FAT3: variants seen among roughly 807,000 people sequenced by gnomAD.
FAT3 encodes protocadherin Fat 3.
Under a neutral mutation model 310.2 loss-of-function variants are expected in FAT3, and 95 were observed. The observed-to-expected ratio is 0.31, with a 90% CI of 0.26 to 0.36. The LOEUF (loss-of-function observed/expected upper bound fraction) is 0.36. Ranked by LOEUF, FAT3 falls within the 10% of genes least tolerant of loss-of-function variation. The pLI, the probability that FAT3 is intolerant of heterozygous loss-of-function variation, is 1.00. For synonymous variants in FAT3, 2,314 were observed against 2,192.9 expected (o/e 1.06, Z -1.54); for missense variants, 5,408 against 5,715.6 (o/e 0.95, Z 1.74).
intron 1 of FAT3, among the ~76,000 whole-genome samples, chr11:92,336,974 C>T (rs73546481): frequency 0.011 from 1,634 of 152,216 alleles, 31 homozygotes; most frequent in African/African-American, 0.038. Context: ...CGTTGCCATC[C>T]GCCAGCCTGT....
intron 2 of FAT3, among the ~76,000 whole-genome samples, chr11:92,435,940 C>T (rs922608747): frequency 5.9e-5 from 9 of 152,108 alleles, no homozygotes; most frequent in African/African-American, 1.9e-4. Context: ...AAACACCATT[C>T]GTAATGTTAA....
At chr11:92,874,836 GC>G (rs1565669404) in intron 22 of FAT3, among the ~76,000 whole-genome samples, 1 of 152,056 alleles carries the variant, frequency 6.6e-6, no homozygotes, top group Non-Finnish European at 1.5e-5. Flanking sequence ...ACCACACCCG[GC>G]CTAGTATACG....
intron 2 of FAT3, among the ~76,000 whole-genome samples, chr11:92,371,035 A>T (rs1261396725): frequency 5.3e-5 from 8 of 152,194 alleles, no homozygotes; most frequent in Non-Finnish European, 1.0e-4. Context: ...AATAAGATGG[A>T]TTTCCTGATA....
intron 2 of FAT3, among the ~76,000 whole-genome samples, chr11:92,419,951 A>G (rs1025801398): frequency 1.3e-5 from 2 of 152,216 alleles, no homozygotes; most frequent in African/African-American, 4.8e-5. Context: ...GGTTTATATA[A>G]GAAATCATTT....
chr11:92,445,975 A>G (rs180889955), intron 2 of FAT3, among the ~76,000 whole-genome samples: 98 of 152,352 alleles, frequency 6.4e-4, no homozygotes, highest in Non-Finnish European at 1.3e-3. Flanking sequence ...TATGTTCACA[A>G]TTGAAGTGAA....
At chr11:92,858,720 A>T (rs541859377) in intron 20 of FAT3, among the ~76,000 whole-genome samples, 5 of 152,252 alleles carry the variant, frequency 3.3e-5, no homozygotes, top group Non-Finnish European at 7.3e-5. Context: ...GCATTAGGAT[A>T]CTTGGGGAAC....
chr11:92,729,821 GA>G (rs1945121405), intron 4 of FAT3, among the ~76,000 whole-genome samples: 1 of 151,990 alleles, frequency 6.6e-6, no homozygotes, highest in South Asian at 2.1e-4. Context: ...AAATTACGTT[GA>G]AATTTAATTT....
chr11:92,412,085 AT>A (rs1244687511), intron 2 of FAT3, among the ~76,000 whole-genome samples: 1 of 151,792 alleles, frequency 6.6e-6, no homozygotes. Context: ...TGGGCATCTT[AT>A]CCCCCACATG....
chr11:92,550,546 C>T (rs1246152994), intron 3 of FAT3, among the ~76,000 whole-genome samples: 3 of 152,120 alleles, frequency 2.0e-5, no homozygotes, highest in South Asian at 4.1e-4. Context: ...GGAGTATTGG[C>T]CAAATCCTCC....
chr11:92,629,113 A>G (rs1941450807), intron 3 of FAT3, among the ~76,000 whole-genome samples: 1 of 152,250 alleles, frequency 6.6e-6, no homozygotes, highest in South Asian at 2.1e-4. Flanking sequence ...GATACCAACT[A>G]AAACTGCAGC....
intron 4 of FAT3, among the ~76,000 whole-genome samples, chr11:92,718,353 C>G (rs1470067111): frequency 6.6e-6 from 1 of 152,072 alleles, no homozygotes; most frequent in Non-Finnish European, 1.5e-5. Context: ...TGGAGATGAG[C>G]TTGGGGTTAT....
intron 3 of FAT3, among the ~76,000 whole-genome samples, chr11:92,644,700 C>T (rs921921918): frequency 1.6e-4 from 25 of 152,208 alleles, no homozygotes; most frequent in African/African-American, 6.0e-4. Flanking sequence ...ATAAAGATGA[C>T]ATACCAGGCT....
chr11:92,766,246 C>T (rs1946306194), intron 6 of FAT3, among the ~76,000 whole-genome samples: 1 of 152,176 alleles, frequency 6.6e-6, no homozygotes, highest in Non-Finnish European at 1.5e-5. Flanking sequence ...GGAAACAAAA[C>T]AGGCTGTTGC....
chr11:92,268,088 G>C (rs1946019616), intron 1 of FAT3, among the ~76,000 whole-genome samples: 1 of 151,764 alleles, frequency 6.6e-6, no homozygotes, highest in South Asian at 2.1e-4. Flanking sequence ...TTCAGAGAAG[G>C]AAAAGGAGAA....
chr11:92,290,357 G>A (rs968402933), intron 1 of FAT3, among the ~76,000 whole-genome samples: 8 of 152,208 alleles, frequency 5.3e-5, no homozygotes, highest in African/African-American at 1.7e-4. Flanking sequence ...CCTTAATGGT[G>A]CCTGTCCCAT....
intron 13 of FAT3, among the ~76,000 whole-genome samples, chr11:92,822,145 G>A (rs1421590594): frequency 6.6e-6 from 1 of 152,080 alleles, no homozygotes; most frequent in Non-Finnish European, 1.5e-5. Context: ...CAAAACACTA[G>A]CTGTCAAAGG....
chr11:92,539,255 A>G (rs1291098579), intron 3 of FAT3, among the ~76,000 whole-genome samples: 1 of 152,222 alleles, frequency 6.6e-6, no homozygotes, highest in Non-Finnish European at 1.5e-5. Flanking sequence ...ACATATTTCT[A>G]TAATTTTCAT....
chr11:92,225,706 AAGGGAAAGGGTTACC>A (rs1255982640), intron 1 of FAT3, among the ~76,000 whole-genome samples: 1 of 151,958 alleles, frequency 6.6e-6, no homozygotes, highest in Non-Finnish European at 1.5e-5. Context: ...TTCGCTAGGA[AAGGGAAAGGGTTACC>A]AGTCTGCGGG....
chr11:92,345,842 C>G (rs535378635), intron 1 of FAT3, among the ~76,000 whole-genome samples: 130 of 152,160 alleles, frequency 8.5e-4, no homozygotes, highest in Non-Finnish European at 1.2e-3. Flanking sequence ...CATAACCTGT[C>G]TCAATCTGTT....
Sources: allele counts gnomAD v4.1 joint callset (sites outside exome capture counted in the v4.1 genomes callset), GRCh38; gene constraint gnomAD v4.1.1; transcripts MANE v1.5; gene names NCBI Gene and HGNC (gene_info 2026-07-23, HGNC 2026-07-21).